Variants in AUTS2 observed in about 807,000 individuals in gnomAD.
AUTS2 encodes activator of transcription and developmental regulator AUTS2.
In AUTS2, 17 loss-of-function variants were observed where a neutral mutation model predicts 112.4. The observed-to-expected ratio is 0.15, with a 90% confidence interval of 0.10 to 0.23. AUTS2 has a LOEUF of 0.23. AUTS2 is among the 10% of genes least tolerant of loss of function. The pLI is 1.00. For synonymous variants in AUTS2, 751 were observed against 702.7 expected (o/e 1.07, Z -1.09); for missense variants, 1,510 against 1,701.6 (o/e 0.89, Z 1.98).
At chr7:69,722,922 A>G (rs1385371107) in intron 1 of AUTS2, among the ~76,000 whole-genome samples, 3 of 151,940 alleles carry the variant, frequency 2.0e-5, no homozygotes, top group Non-Finnish European at 4.4e-5. Context: ...GGAAAACATG[A>G]TCATTTCCAG....
At chr7:70,331,965 C>A (rs1376205599) in intron 4 of AUTS2, among the ~76,000 whole-genome samples, 2 of 152,070 alleles carry the variant, frequency 1.3e-5, no homozygotes, top group Non-Finnish European at 2.9e-5. Context: ...TCTGGCTAGG[C>A]AGTCAGGCAA....
intron 1 of AUTS2, among the ~76,000 whole-genome samples, chr7:69,654,748 G>A (rs1795447936): frequency 6.6e-6 from 1 of 151,942 alleles, no homozygotes; most frequent in African/African-American, 2.4e-5. Context: ...ATCAACCTAA[G>A]CACTTACTGT....
At chr7:70,393,687 A>G (rs1191357638) in intron 4 of AUTS2, among the ~76,000 whole-genome samples, 1 of 152,168 alleles carries the variant, frequency 6.6e-6, no homozygotes, top group East Asian at 1.9e-4. Flanking sequence ...CACCCATGCC[A>G]AAGCATGCAG....
chr7:70,433,475 G>A (rs1351908946), intron 4 of AUTS2, among the ~76,000 whole-genome samples: 1 of 152,204 alleles, frequency 6.6e-6, no homozygotes, highest in Non-Finnish European at 1.5e-5. Context: ...CTTAATTAAA[G>A]GCAATGGAGA....
intron 3 of AUTS2, among the ~76,000 whole-genome samples, chr7:70,133,635 C>T (rs1326713881): frequency 6.6e-6 from 1 of 152,008 alleles, no homozygotes; most frequent in African/African-American, 2.4e-5. Flanking sequence ...TTAGCTGAGA[C>T]CTGCAGACCT....
chr7:70,333,969 AG>A (rs1307401120), intron 4 of AUTS2, among the ~76,000 whole-genome samples: 4 of 152,220 alleles, frequency 2.6e-5, no homozygotes, highest in Non-Finnish European at 4.4e-5. Flanking sequence ...TAATAAAAAA[AG>A]AAATACAGCT....
At chr7:69,649,471 TG>T in intron 1 of AUTS2, among the ~76,000 whole-genome samples, 1 of 152,172 alleles carries the variant, frequency 6.6e-6, no homozygotes, top group East Asian at 1.9e-4. Context: ...GTGGTCCAGT[TG>T]TGCCTCCTTT....
At chr7:70,661,094 T>G (rs1208191085) in intron 5 of AUTS2, among the ~76,000 whole-genome samples, 2 of 151,880 alleles carry the variant, frequency 1.3e-5, no homozygotes, top group East Asian at 3.9e-4. Context: ...ACTGTTATCA[T>G]TCACTCCAGA....
intron 6 of AUTS2, among the ~76,000 whole-genome samples, chr7:70,710,122 T>C (rs536444006): frequency 2.0e-5 from 3 of 151,662 alleles, no homozygotes; most frequent in Non-Finnish European, 2.9e-5. Context: ...TAAATGTTTA[T>C]AAAACCCCAC....
At chr7:70,527,755 G>T (rs923775293) in intron 5 of AUTS2, among the ~76,000 whole-genome samples, 7 of 152,144 alleles carry the variant, frequency 4.6e-5, no homozygotes, top group African/African-American at 1.4e-4. Context: ...GAATTCACTG[G>T]GGGGGAAGTG....
At chr7:69,736,857 C>T (rs1787051901) in intron 1 of AUTS2, among the ~76,000 whole-genome samples, 1 of 152,152 alleles carries the variant, frequency 6.6e-6, no homozygotes, top group Non-Finnish European at 1.5e-5. Flanking sequence ...GAAATATAGT[C>T]TTTAATAAAC....
At chr7:70,113,995 G>A (rs527752885) in intron 2 of AUTS2, among the ~76,000 whole-genome samples, 1 of 152,284 alleles carries the variant, frequency 6.6e-6, no homozygotes, top group African/African-American at 2.4e-5. Context: ...TTCAGAATTT[G>A]GAGCATATAT....
chr7:70,731,090 A>T lies in AUTS2; in HGVS notation c.743-31780A>T, dbSNP rs532993613. On this transcript the variant is annotated intron_variant, in intron 6 of 18. Coordinates refer to ENST00000342771, the MANE Select transcript of AUTS2 (RefSeq NM_015570.4). ...CCATTTGCCCACTGTTAAGTGGGCT[A>T]TTTGTTTTTTTATTGTTGAGTTGTA... Among the ~76,000 whole-genome samples the T allele has an allele frequency of 1.3e-3, 205 of 152,174 alleles. 2 individuals are homozygous for T. The highest frequency in any genetic ancestry group is 4.8e-3 in the African/African-American group (201 of 41,514).
chr7:70,248,361 T>A (rs1445066565), intron 4 of AUTS2, among the ~76,000 whole-genome samples: 1 of 152,152 alleles, frequency 6.6e-6, no homozygotes, highest in Non-Finnish European at 1.5e-5. Flanking sequence ...TGACCTCAAG[T>A]GATCTGCCTG....
chr7:69,916,559 A>C (rs1182028637), intron 2 of AUTS2, among the ~76,000 whole-genome samples: 1 of 151,998 alleles, frequency 6.6e-6, no homozygotes, highest in Non-Finnish European at 1.5e-5. Context: ...AGCATATCTC[A>C]CTTTGAAATC....
At chr7:69,841,185 C>T (rs911150510) in intron 1 of AUTS2, among the ~76,000 whole-genome samples, 8 of 152,076 alleles carry the variant, frequency 5.3e-5, no homozygotes, top group Admixed American at 3.3e-4. Flanking sequence ...TCTTGCATGG[C>T]TATAGAGAAA....
At chr7:70,341,652 C>T (rs544599970) in intron 4 of AUTS2, among the ~76,000 whole-genome samples, 7 of 152,320 alleles carry the variant, frequency 4.6e-5, no homozygotes, top group African/African-American at 9.6e-5. Context: ...GCAATTAGCA[C>T]GAAAAGAGTC....
chr7:69,853,295 C>T (rs1395892468), intron 1 of AUTS2, among the ~76,000 whole-genome samples: 3 of 151,396 alleles, frequency 2.0e-5, no homozygotes, highest in Non-Finnish European at 4.4e-5. Context: ...GTTTGCTTCA[C>T]ACTTTACAAC....
intron 1 of AUTS2, among the ~76,000 whole-genome samples, chr7:69,621,995 A>G (rs1384169902): frequency 6.6e-6 from 1 of 152,152 alleles, no homozygotes; most frequent in East Asian, 1.9e-4. Context: ...CAAAAACCCT[A>G]AATACAAGCC....
Sources: allele counts gnomAD v4.1 joint callset (sites outside exome capture counted in the v4.1 genomes callset), GRCh38; gene constraint gnomAD v4.1.1; transcripts MANE v1.5; gene names NCBI Gene and HGNC (gene_info 2026-07-23, HGNC 2026-07-21).